LCOR: variants seen among roughly 807,000 people sequenced by gnomAD.
The protein encoded by LCOR is ligand dependent nuclear receptor corepressor.
LCOR carries 14 observed loss-of-function variants against 64.4 expected under a neutral mutation model. The observed-to-expected ratio is 0.22, with a 90% confidence interval of 0.14 to 0.34. The LOEUF is 0.34. LCOR is among the 10% of genes least tolerant of loss of function. The probability of loss-of-function intolerance (pLI) is 1.00; values close to 1 mark genes in which losing one functional copy is unlikely to be tolerated. For missense variants in LCOR, 1,686 were observed against 1,765.3 expected, an observed-to-expected ratio of 0.96 and a Z score of 0.80; for synonymous variants, 643 against 642.5, an observed-to-expected ratio of 1.00 and a Z score of -0.01.
intron 2 of LCOR, among the ~76,000 whole-genome samples, chr10:96,871,869 AAAC>A (rs1286410538): frequency 1.3e-5 from 2 of 152,210 alleles, no homozygotes; most frequent in Admixed American, 6.5e-5. Context: ...ATATCTTACA[AAAC>A]AACAACAGTA....
At position 96,931,049 on chromosome 10, in the gene LCOR, GCTC is replaced by G. The variant is rs375437250; in HGVS notation, c.-183-13061_-183-13059del. 2.4e-3 allele frequency among the ~76,000 whole-genome samples: 363 copies of G among 151,860 alleles called. 5 individuals carry two copies. Among genetic ancestry groups the G allele is most frequent in the African/African-American group, 7.9e-3 (329 of 41,384 alleles). ...GCCCTTCCTAGAAAACATAATAAAG[GCTC>G]CTATTAGATAATAAAAGTGTATATT... On this transcript the variant is annotated intron_variant, in intron 4 of 7. Coordinates refer to ENST00000421806, the MANE Select transcript of LCOR (RefSeq NM_001346516.2).
intron 2 of LCOR, among the ~76,000 whole-genome samples, chr10:96,877,155 T>G (rs561275035): frequency 6.6e-6 from 1 of 152,082 alleles, no homozygotes; most frequent in South Asian, 2.1e-4. Context: ...AGATGGAAAA[T>G]AAACTATCTT....
chr10:96,985,191 C>T lies in LCOR; in HGVS notation c.*57C>T. On this transcript the variant is annotated 3_prime_UTR_variant, in exon 8 of 8. Coordinates refer to ENST00000421806, the MANE Select transcript of LCOR (RefSeq NM_001346516.2). ...TCTATAGAAGTAACCTTTTATTTTGCATTAACTAAATCTGCTTTTATAAGC... is the reference window on the plus strand; with the variant it reads ...TCTATAGAAGTAACCTTTTATTTTGTATTAACTAAATCTGCTTTTATAAGC... 2 of 1,501,856 alleles carry T rather than the reference C, an allele frequency of 1.3e-6. No homozygotes were observed. The highest frequency in any genetic ancestry group is 2.4e-5 in the Admixed American group (1 of 42,262). 93.0% of individuals were successfully genotyped at this position (1,501,856 alleles called of 1,614,324 possible).
intron 4 of LCOR, among the ~76,000 whole-genome samples, chr10:96,938,984 T>A (rs1040998180): frequency 2.0e-5 from 3 of 152,230 alleles, no homozygotes; most frequent in African/African-American, 7.2e-5. Context: ...CCCAACTGAC[T>A]TATTTGCAGA....
At chr10:96,874,120 C>T (rs1278888744) in intron 2 of LCOR, among the ~76,000 whole-genome samples, 2 of 152,138 alleles carry the variant, frequency 1.3e-5, no homozygotes, top group Non-Finnish European at 2.9e-5. Context: ...TATTGTTAAG[C>T]ATATATATCG....
chr10:96,977,030 A>T (rs1032689318), intron 7 of LCOR, among the ~76,000 whole-genome samples: 1 of 151,996 alleles, frequency 6.6e-6, no homozygotes, highest in Non-Finnish European at 1.5e-5. Context: ...ACGCACTTGG[A>T]GTATGTTCTT....
At chr10:96,843,413 A>AT (rs1845575190) in intron 2 of LCOR, among the ~76,000 whole-genome samples, 1 of 152,160 alleles carries the variant, frequency 6.6e-6, no homozygotes, top group Non-Finnish European at 1.5e-5. Flanking sequence ...GATTACAGGC[A>AT]TAAGTGTCTT....
At chr10:96,844,862 CT>C (rs1845600416) in intron 2 of LCOR, among the ~76,000 whole-genome samples, 1 of 152,128 alleles carries the variant, frequency 6.6e-6, no homozygotes, top group African/African-American at 2.4e-5. Flanking sequence ...GCTGCTTGGC[CT>C]TTTCTTCTAT....
At chr10:96,908,276 C>T (rs1018680955) in intron 4 of LCOR, among the ~76,000 whole-genome samples, 5 of 152,208 alleles carry the variant, frequency 3.3e-5, no homozygotes, top group Non-Finnish European at 2.9e-5. Flanking sequence ...CAGGCATGAG[C>T]CACCGCGCCC....
chr10:96,875,561 A>C (rs1846149939), intron 2 of LCOR, among the ~76,000 whole-genome samples: 1 of 152,078 alleles, frequency 6.6e-6, no homozygotes, highest in Non-Finnish European at 1.5e-5. Context: ...TCTTCAAACC[A>C]CGTGTTTGAA....
chr10:96,844,422 C>T (rs1042656681), intron 2 of LCOR, among the ~76,000 whole-genome samples: 7 of 151,740 alleles, frequency 4.6e-5, no homozygotes, highest in African/African-American at 1.7e-4. Flanking sequence ...TTAAGTTGCC[C>T]GTCTTTGTTT....
intron 4 of LCOR, among the ~76,000 whole-genome samples, chr10:96,931,824 A>G (rs1847266059): frequency 1.3e-5 from 2 of 152,228 alleles, no homozygotes; most frequent in Admixed American, 1.3e-4. Context: ...AAAGTAAGAT[A>G]ATAAGTACGT....
chr10:96,981,196 G>A lies in LCOR; in HGVS notation c.736G>A (p.Asp246Asn), dbSNP rs866285964. The change falls in exon 8 of 8, where the codon GAT (aspartate) becomes AAT (asparagine). Residue 246 changes from aspartate (D) to asparagine (N), a missense_variant. By Grantham distance (23) the Asp-to-Asn change is conservative. Around this residue, in one of 3 missense-constraint regions of LCOR, gnomAD observed 313 missense variants for 247.2 expected, o/e 1.27. Transcript: ENST00000421806. ...RENALTVVQK[D>N]SSELPTTKSN... is the part of the protein sequence containing the mutation. ...GAATGCCTTGACTGTTGTCCAGAAA[G>A]ATTCCTCTGAACTTCCAACCACTAA... 9 of 742,328 alleles carry A rather than the reference G, an allele frequency of 1.2e-5. No individual in the cohort carries two copies. Among genetic ancestry groups the A allele is most frequent in the Non-Finnish European group, 2.1e-5 (9 of 420,824 alleles). The allele number at this position is 742,328 out of a possible 1,614,324, so 46.0% of individuals were successfully genotyped here.
Position 96,845,449 on chromosome 10 carries a change from CTTTTTTTTTTTTTTTTT to C in LCOR, c.-330+11991_-330+12007del, listed in dbSNP as rs762639752. Among the ~76,000 whole-genome samples the C allele has an allele frequency of 3.3e-3, 163 of 48,674 alleles. 2 individuals are homozygous for C. Among genetic ancestry groups the C allele is most frequent in the South Asian group, 0.015 (16 of 1,082 alleles). 31.9% of individuals were successfully genotyped at this position (48,674 alleles called of 152,430 possible). ...TTTGCCTCTTATAAATGGGCTTATC[CTTTTTTTTTTTTTTTTT>C]TTTTTTTTTTTTTTTTTTTTGAGAC... is the stretch of plus-strand genomic sequence containing the variant. On this transcript the variant is annotated intron_variant, in intron 2 of 7. Coordinates refer to ENST00000421806, the MANE Select transcript of LCOR (RefSeq NM_001346516.2).
chr10:96,941,066 C>A (rs1247599615), intron 4 of LCOR, among the ~76,000 whole-genome samples: 2 of 106,944 alleles, frequency 1.9e-5, no homozygotes, highest in East Asian at 6.3e-4. Flanking sequence ...TGGCCGACCC[C>A]CCCCCCGCCT....
intron 7 of LCOR, 147 bp downstream of exon 7, chr10:96,952,343 C>G (rs1298536585): frequency 3.4e-6 from 2 of 590,096 alleles, no homozygotes; most frequent in African/African-American, 3.8e-5. Flanking sequence ...AAAATATAAT[C>G]TGTGCAATGT....
intron 2 of LCOR, among the ~76,000 whole-genome samples, chr10:96,865,813 G>A (rs1406150309): frequency 2.7e-5 from 4 of 149,836 alleles, no homozygotes; most frequent in Non-Finnish European, 5.9e-5. Context: ...GGCAGAGGTT[G>A]CAGTGAGCTG....
chr10:96,913,980 G>T (rs1452370547), intron 4 of LCOR, among the ~76,000 whole-genome samples: 1 of 152,122 alleles, frequency 6.6e-6, no homozygotes, highest in Non-Finnish European at 1.5e-5. Context: ...AGATGAAAGG[G>T]CACATCCTGG....
At chr10:96,877,375 A>G (rs1472808205) in intron 2 of LCOR, among the ~76,000 whole-genome samples, 1 of 151,954 alleles carries the variant, frequency 6.6e-6, no homozygotes, top group Non-Finnish European at 1.5e-5. Context: ...ACATTCAAAA[A>G]TTAGCTGAAT....
Sources: allele counts gnomAD v4.1 joint callset (sites outside exome capture counted in the v4.1 genomes callset), GRCh38; gene constraint gnomAD v4.1.1; regional missense constraint gnomAD v4.1.1; transcripts MANE v1.5; gene names NCBI Gene and HGNC (gene_info 2026-07-23, HGNC 2026-07-21).